The following NEXN variants were observed in gnomAD, a reference collection of about 807,000 sequenced individuals.
The protein encoded by NEXN is nexilin.
In NEXN, 65 loss-of-function variants were observed where a neutral mutation model predicts 92.6. The observed-to-expected ratio is 0.70, with a 90% CI of 0.57 to 0.86. The LOEUF (loss-of-function observed/expected upper bound fraction) is 0.86. NEXN is among the 40% of genes least tolerant of loss of function. NEXN has a pLI of 0.00. For missense variants in NEXN, 778 were observed against 771.1 expected (o/e 1.01, Z -0.11); for synonymous variants, 254 against 242.5 (o/e 1.05, Z -0.44).
intron 11 of NEXN, among the ~76,000 whole-genome samples, chr1:77,940,633 C>A (rs931597379): frequency 6.6e-6 from 1 of 152,150 alleles, no homozygotes; most frequent in Non-Finnish European, 1.5e-5. Context: ...AATTATTGTA[C>A]CTGCTGAAAT....
chr1:77,919,922 C>T (rs528972330), intron 5 of NEXN, among the ~76,000 whole-genome samples: 12 of 147,560 alleles, frequency 8.1e-5, no homozygotes, highest in Admixed American at 3.4e-4. Context: ...TTAATTGAGA[C>T]GGAGTCTCGC....
chr1:77,936,813 G>C (rs1650804923), intron 11 of NEXN, among the ~76,000 whole-genome samples: 1 of 152,108 alleles, frequency 6.6e-6, no homozygotes, highest in Non-Finnish European at 1.5e-5. Flanking sequence ...TATTCAGCTA[G>C]CAAAACAGGT....
chr1:77,899,229 T>G (rs1647488867), intron 1 of NEXN, among the ~76,000 whole-genome samples: 1 of 152,074 alleles, frequency 6.6e-6, no homozygotes. Context: ...TGCGACACTA[T>G]TCACAATAGC....
intron 9 of NEXN, chr1:77,931,753 G>C (rs1393975777): frequency 6.6e-6 from 1 of 152,154 alleles, no homozygotes; most frequent in Non-Finnish European, 1.5e-5. Flanking sequence ...TCTTTGAATT[G>C]TAAACCACTT....
intron 2 of NEXN, 117 bp from the exon 3 acceptor site, chr1:77,917,449 C>T: frequency 1.3e-6 from 1 of 793,510 alleles, no homozygotes; most frequent in Non-Finnish European, 2.1e-6. Context: ...GGTTCAAACA[C>T]ATTTCTATTT....
intron 5 of NEXN, among the ~76,000 whole-genome samples, chr1:77,923,647 A>G (rs993936820): frequency 1.1e-4 from 15 of 138,610 alleles, no homozygotes; most frequent in Admixed American, 9.3e-4. Context: ...AACTAACGGT[A>G]TTTCTTATGA....
chr1:77,928,126 T>C (rs1571139667), intron 8 of NEXN, among the ~76,000 whole-genome samples: 1 of 151,946 alleles, frequency 6.6e-6, no homozygotes, highest in East Asian at 1.9e-4. Flanking sequence ...CTGAGCAACA[T>C]GTGGAAACCA....
chr1:77,901,377 A>G (rs1284321833), intron 1 of NEXN, among the ~76,000 whole-genome samples: 1 of 151,524 alleles, frequency 6.6e-6, no homozygotes, highest in African/African-American at 2.4e-5. Flanking sequence ...ATGGTTTGTT[A>G]TTGTTACTTT....
chr1:77,942,806 C>T lies in NEXN; in HGVS notation c.2005C>T (p.Leu669Phe), dbSNP rs774194309. ...NKGSAASTCI[L>F]TIESKN ...AGGATCTGCAGCTAGTACCTGTATT[C>T]TTACCATTGAAAGTAAGAATTAATC... The change falls in exon 13 of 13, where the codon CTT becomes TTT. Residue 669 changes from leucine to phenylalanine, a missense_variant. Transcript: ENST00000334785. 8.7e-6 allele frequency: 14 copies of T among 1,609,362 alleles called. No individual in the cohort carries two copies. Among genetic ancestry groups the T allele is most frequent in the Non-Finnish European group, 1.2e-5 (14 of 1,176,466 alleles).
chr1:77,906,873 C>T (rs756074464), intron 1 of NEXN, among the ~76,000 whole-genome samples: 2 of 151,998 alleles, frequency 1.3e-5, no homozygotes, highest in African/African-American at 2.4e-5. Flanking sequence ...CCAGGCTGGT[C>T]CCCAACTCCT....
At chr1:77,922,317 G>A (rs1649486595) in intron 5 of NEXN, among the ~76,000 whole-genome samples, 1 of 151,028 alleles carries the variant, frequency 6.6e-6, no homozygotes, top group Non-Finnish European at 1.5e-5. Context: ...TTTTTGTAGA[G>A]AGGAGGTTTC....
chr1:77,936,186 C>T, intron 11 of NEXN, 142 bp downstream of exon 11: 2 of 648,750 alleles, frequency 3.1e-6, no homozygotes, highest in Non-Finnish European at 5.4e-6. Context: ...AATAGCAAAA[C>T]ACATGTAGAT....
At chr1:77,901,289 T>C (rs1016333724) in intron 1 of NEXN, among the ~76,000 whole-genome samples, 2 of 152,224 alleles carry the variant, frequency 1.3e-5, no homozygotes, top group African/African-American at 4.8e-5. Flanking sequence ...TTTTCCTCTA[T>C]TAAGCCAGAT....
chr1:77,921,304 AAAAC>A (rs1296071271), intron 5 of NEXN, among the ~76,000 whole-genome samples: 1 of 152,164 alleles, frequency 6.6e-6, no homozygotes, highest in African/African-American at 2.4e-5. Flanking sequence ...CCACTGCACC[AAAAC>A]AAACAAACGA....
chr1:77,940,096 T>G (rs1311659649), intron 11 of NEXN, among the ~76,000 whole-genome samples: 1 of 152,152 alleles, frequency 6.6e-6, no homozygotes, highest in Non-Finnish European at 1.5e-5. Context: ...TTCAAAATGT[T>G]TATATTCTTT....
At chr1:77,942,247 C>A (rs1557997446) in intron 12 of NEXN, 39 bp downstream of exon 12, 2 of 1,586,832 alleles carry the variant, frequency 1.3e-6, no homozygotes, top group Non-Finnish European at 1.7e-6. Context: ...CAAAGATGCC[C>A]TCTTAAAACC....
chr1:77,888,787 G>C (rs930313006), intron 1 of NEXN, 28 bp downstream of exon 1: 1 of 153,352 alleles, frequency 6.5e-6, no homozygotes, highest in Non-Finnish European at 1.5e-5. Context: ...AACGTGGGCT[G>C]GGGGGAGTGG....
chr1:77,938,078 A>C (rs1304372287), intron 11 of NEXN, among the ~76,000 whole-genome samples: 1 of 152,144 alleles, frequency 6.6e-6, no homozygotes, highest in Non-Finnish European at 1.5e-5. Flanking sequence ...TACAGTAACA[A>C]TACGGGAAAC....
chr1:77,938,710 G>A (rs1273676538), intron 11 of NEXN, among the ~76,000 whole-genome samples: 2 of 150,550 alleles, frequency 1.3e-5, no homozygotes, highest in Non-Finnish European at 2.9e-5. Flanking sequence ...CCTAGGATAT[G>A]TTTAACAGGG....
Sources: allele counts gnomAD v4.1 joint callset (sites outside exome capture counted in the v4.1 genomes callset), GRCh38; gene constraint gnomAD v4.1.1; transcripts MANE v1.5; gene names NCBI Gene and HGNC (gene_info 2026-07-23, HGNC 2026-07-21).